Variants in ERBB4 observed in about 807,000 individuals in gnomAD.
ERBB4 encodes the protein receptor tyrosine-protein kinase erbB-4.
A neutral mutation model predicts 158.0 loss-of-function variants in ERBB4; 42 were observed. The ratio of observed to expected loss-of-function variants is 0.27; its 90% confidence interval spans 0.21 to 0.34. The LOEUF is 0.34. Ranked by LOEUF, ERBB4 falls within the 10% of genes least tolerant of loss-of-function variation. The pLI, the probability that ERBB4 is intolerant of heterozygous loss-of-function variation, is 1.00. For missense variants in ERBB4, 1,333 were observed against 1,624.1 expected (o/e 0.82, Z 3.08); for synonymous variants, 583 against 558.7 (o/e 1.04, Z -0.61).
intron 1 of ERBB4, among the ~76,000 whole-genome samples, chr2:212,270,260 A>C (rs1042643090): frequency 3.3e-5 from 5 of 151,838 alleles, no homozygotes; most frequent in Non-Finnish European, 7.4e-5. Context: ...AAAAAATGTT[A>C]GTATATGCTA....
At chr2:211,644,331 C>A (rs562668683) in intron 16 of ERBB4, among the ~76,000 whole-genome samples, 1 of 151,928 alleles carries the variant, frequency 6.6e-6, no homozygotes, top group Non-Finnish European at 1.5e-5. Context: ...AACACCCAAC[C>A]CCTAATTAGA....
intron 2 of ERBB4, among the ~76,000 whole-genome samples, chr2:211,993,472 C>G (rs535362723): frequency 6.6e-6 from 1 of 152,122 alleles, no homozygotes; most frequent in Non-Finnish European, 1.5e-5. Context: ...TACTGCCTAG[C>G]TAACTGAGGC....
chr2:211,807,639 A>G (rs1181938765), intron 3 of ERBB4, among the ~76,000 whole-genome samples: 2 of 152,200 alleles, frequency 1.3e-5, no homozygotes, highest in Non-Finnish European at 2.9e-5. Context: ...CACGATGTAT[A>G]ATCCTTTGGG....
At chr2:211,722,176 T>C (rs1473382569) in intron 7 of ERBB4, among the ~76,000 whole-genome samples, 1 of 152,154 alleles carries the variant, frequency 6.6e-6, no homozygotes, top group African/African-American at 2.4e-5. Flanking sequence ...AGGAGTTTTA[T>C]AACCTCAAAC....
intron 25 of ERBB4, among the ~76,000 whole-genome samples, chr2:211,416,813 CTTTTTT>C (rs60021795): frequency 7.0e-6 from 1 of 142,134 alleles, no homozygotes; most frequent in Non-Finnish European, 1.5e-5. Context: ...GAAGCCTTCC[CTTTTTT>C]TTTTTTTTTT....
At chr2:212,187,756 G>A (rs1228917534) in intron 1 of ERBB4, among the ~76,000 whole-genome samples, 3 of 152,096 alleles carry the variant, frequency 2.0e-5, no homozygotes, top group Admixed American at 2.0e-4. Context: ...TGTAGCTAGT[G>A]TTTTAGAGGG....
chr2:211,514,513 G>A (rs13408475), intron 20 of ERBB4, among the ~76,000 whole-genome samples: 39,418 of 152,072 alleles, frequency 0.26, 6,852 homozygotes, highest in African/African-American at 0.5. Flanking sequence ...TTCTCAAACA[G>A]TGACTCAATC....
intron 25 of ERBB4, among the ~76,000 whole-genome samples, chr2:211,413,309 A>AAAACACACACACAC (rs1553524037): frequency 2.1e-5 from 2 of 94,576 alleles, no homozygotes; most frequent in South Asian, 2.9e-4. Flanking sequence ...CTGTCTTAAA[A>AAAACACACACACAC]ACACACACAC....
At chr2:211,951,772 T>G (rs922847711) in intron 2 of ERBB4, among the ~76,000 whole-genome samples, 1 of 152,132 alleles carries the variant, frequency 6.6e-6, no homozygotes, top group African/African-American at 2.4e-5. Flanking sequence ...TATTACCCTC[T>G]GTTCTTGCAA....
chr2:211,507,194 T>C (rs551635809), intron 20 of ERBB4, among the ~76,000 whole-genome samples: 11 of 152,010 alleles, frequency 7.2e-5, no homozygotes, highest in African/African-American at 1.9e-4. Context: ...AAACAATAAG[T>C]GATGAAACTA....
intron 3 of ERBB4, among the ~76,000 whole-genome samples, chr2:211,829,527 G>A (rs962149487): frequency 6.6e-6 from 1 of 152,046 alleles, no homozygotes; most frequent in Admixed American, 6.6e-5. Flanking sequence ...AGTATTTGTA[G>A]AACATACCAA....
chr2:212,236,725 T>G (rs1362353035), intron 1 of ERBB4, among the ~76,000 whole-genome samples: 3 of 152,214 alleles, frequency 2.0e-5, no homozygotes, highest in Non-Finnish European at 4.4e-5. Flanking sequence ...ATTTATTCAT[T>G]TCTTCTAGAT....
At chr2:211,412,964 A>AC (rs1218647354) in intron 25 of ERBB4, among the ~76,000 whole-genome samples, 3 of 146,372 alleles carry the variant, frequency 2.0e-5, no homozygotes, top group African/African-American at 7.5e-5. Flanking sequence ...AAAAAAAAAA[A>AC]AGAAAGAAAG....
intron 4 of ERBB4, among the ~76,000 whole-genome samples, chr2:211,764,865 AG>A (rs2075512994): frequency 6.6e-6 from 1 of 152,208 alleles, no homozygotes; most frequent in Non-Finnish European, 1.5e-5. Flanking sequence ...GGATTTTAGG[AG>A]GACAGGAATC....
chr2:212,337,774 C>T (rs945228145), intron 1 of ERBB4, among the ~76,000 whole-genome samples: 1 of 152,052 alleles, frequency 6.6e-6, no homozygotes, highest in Non-Finnish European at 1.5e-5. Flanking sequence ...GATATTATTC[C>T]ATCTTTGTAA....
At chr2:211,623,628 T>C (rs1221936340) in intron 18 of ERBB4, among the ~76,000 whole-genome samples, 3 of 151,990 alleles carry the variant, frequency 2.0e-5, no homozygotes, top group Non-Finnish European at 4.4e-5. Flanking sequence ...TGGATAAAAA[T>C]AGAAATTTGC....
At chr2:211,720,504 A>G (rs1045377819) in intron 7 of ERBB4, among the ~76,000 whole-genome samples, 1 of 152,162 alleles carries the variant, frequency 6.6e-6, no homozygotes, top group Admixed American at 6.5e-5. Flanking sequence ...ATTTAACGCC[A>G]TGTCTTTTCT....
chr2:212,397,465 C>G (rs1007626516), intron 1 of ERBB4, among the ~76,000 whole-genome samples: 4 of 143,894 alleles, frequency 2.8e-5, no homozygotes, highest in Non-Finnish European at 6.0e-5. Context: ...GAGCAAGCCC[C>G]TGTCAAAAGA....
rs560923427 is a variant in ERBB4 at position 211,988,110 on chromosome 2, A to G, written c.235-40494T>C. On this transcript the variant is annotated intron_variant, in intron 2 of 27. Coordinates refer to ENST00000342788, the MANE Select transcript of ERBB4 (RefSeq NM_005235.3). Reference sequence around the variant, plus strand: ...TTTTTATTATCAGGCTTGATTAAGGAAATAATTTATTAGAGCAGAAAAAGG... The same window carrying G: ...TTTTTATTATCAGGCTTGATTAAGGGAATAATTTATTAGAGCAGAAAAAGG... 7.2e-5 allele frequency among the ~76,000 whole-genome samples: 11 copies of G among 152,328 alleles called. No individual in the cohort carries two copies. In the East Asian group the frequency reaches 2.1e-3, roughly 29 times the overall value.
Sources: gnomAD v4.1 joint callset for allele counts (sites outside exome capture counted in the v4.1 genomes callset) on GRCh38, gnomAD v4.1.1 for gene constraint, MANE v1.5 for transcripts, NCBI Gene and HGNC (gene_info 2026-07-23, HGNC 2026-07-21) for gene names.